NPHP4: variants seen among roughly 807,000 people sequenced by gnomAD.
NPHP4 encodes the protein nephrocystin 4, also known as nephrocystin-4.
Under a neutral mutation model 155.8 loss-of-function variants are expected in NPHP4, and 151 were observed. That is an observed-to-expected ratio of 0.97 (90% confidence interval 0.85 to 1.11). The LOEUF (loss-of-function observed/expected upper bound fraction) is 1.11, where lower values mean the gene tolerates loss of function less well. Among genes scored for constraint, NPHP4 ranks in the 50% least tolerant of loss-of-function variants. The probability of loss-of-function intolerance (pLI) is 0.00; values close to 1 mark genes in which losing one functional copy is unlikely to be tolerated. For missense variants in NPHP4, 1,956 were observed against 1,925.7 expected (o/e 1.02, Z -0.29); for synonymous variants, 845 against 816.8 (o/e 1.03, Z -0.59).
At chr1:5,958,790 C>G (rs1649730595) in intron 6 of NPHP4, among the ~76,000 whole-genome samples, 1 of 122,766 alleles carries the variant, frequency 8.1e-6, no homozygotes, top group Non-Finnish European at 1.6e-5. Context: ...GCATGGGAGG[C>G]AGAGTTTGCA....
chr1:5,978,227 C>G, intron 3 of NPHP4, 43 bp downstream of exon 3: 1 of 1,575,316 alleles, frequency 6.3e-7, no homozygotes, highest in East Asian at 2.3e-5. Flanking sequence ...GCACACACAC[C>G]CTCCGCCTTG....
In NPHP4 at chr1:5,992,302, A is replaced by C. The variant is rs549707234; in HGVS notation, c.-97T>G. 6.6e-6 allele frequency: 1 copy of C among 151,982 alleles called. No individual in the cohort carries two copies. The highest frequency in any genetic ancestry group is 1.5e-5 in the Non-Finnish European group (1 of 67,988). The allele number at this position is 151,982 out of a possible 1,614,324, so 9.4% of individuals were successfully genotyped here. On this transcript the variant is annotated 5_prime_UTR_variant, in exon 1 of 30. Coordinates refer to ENST00000378156, the MANE Select transcript of NPHP4 (RefSeq NM_015102.5). ...GCCACGGAGCCCACGCTTTTCAGAG[A>C]GTCTCCACTCGACGGACCCAGAGGC...
intron 11 of NPHP4, among the ~76,000 whole-genome samples, chr1:5,927,329 C>G (rs1646055875): frequency 6.6e-6 from 1 of 152,178 alleles, no homozygotes; most frequent in African/African-American, 2.4e-5. Flanking sequence ...CCTCGGCTCT[C>G]GACCACCCTC....
At chr1:5,869,125 A>ACC (rs36185040) in intron 23 of NPHP4, among the ~76,000 whole-genome samples, 18,663 of 142,356 alleles carry the variant, frequency 0.13, 1,465 homozygotes, top group Non-Finnish European at 0.18. Context: ...GCACACACGC[A>ACC]CAATGCACAC....
In NPHP4 at chr1:5,882,719, T is replaced by G. The variant is rs1643409942; in HGVS notation, c.2486-2480A>C. ...GCTATTTCGGTCCTCTCCCTGTTGC[T>G]CTCAGACCCTCCCTCCTGTCCTGCC... On this transcript the variant is annotated intron_variant, in intron 18 of 29. Transcript: ENST00000378156. This position sits in a 1 kb window ranked among gnomAD's most constrained non-coding sequence, Gnocchi z 5.1. 6.5e-6 allele frequency: 1 copy of G among 152,898 alleles called. No homozygotes were observed. The highest frequency in any genetic ancestry group is 2.4e-5 in the African/African-American group (1 of 41,446). 9.5% of individuals were successfully genotyped at this position (152,898 alleles called of 1,614,324 possible). A position where few individuals can be genotyped will look rare whatever the true frequency, so the allele number is the denominator to read the frequency against.
chr1:5,875,058 C>A lies in NPHP4; in HGVS notation c.2860G>T (p.Val954Phe), dbSNP rs1047149338. The change falls in exon 21 of 30, where the codon GTC becomes TTC. Residue 954 changes from valine (V) to phenylalanine (F), a missense_variant. Physicochemically the swap from Val to Phe is conservative, Grantham distance 50. Coordinates refer to ENST00000378156, the MANE Select transcript of NPHP4 (RefSeq NM_015102.5). ...GTGCGTTCCCGGTAGGCGGCGATGA[C>A]CTGTAGGTCCCGCAAGTGCTGTGTG... ...VRTQHLRDLQ[V>F]IAAYRERTKA... 23 of 1,607,508 alleles carry A rather than the reference C, an allele frequency of 1.4e-5. No individual in the cohort carries two copies. Among genetic ancestry groups the A allele is most frequent in the African/African-American group, 4.0e-5 (3 of 74,918 alleles).
At chr1:5,893,228 A>C (rs1644227429) in intron 16 of NPHP4, among the ~76,000 whole-genome samples, 1 of 152,234 alleles carries the variant, frequency 6.6e-6, no homozygotes, top group African/African-American at 2.4e-5. Context: ...GAGTGTAGAA[A>C]TAAAGACACA....
At position 5,873,350 on chromosome 1, in the gene NPHP4, C is replaced by T; in HGVS notation, c.3232-15G>A. Reference sequence around the variant, plus strand: ...CCAGGAGAGGCCTGCAGGAACCGAACAGCACAAGCAGGTCAGGAAGCAACA... The same window carrying T: ...CCAGGAGAGGCCTGCAGGAACCGAATAGCACAAGCAGGTCAGGAAGCAACA... On this transcript the variant is annotated splice_polypyrimidine_tract_variant and intron_variant, in intron 22 of 29. Coordinates refer to ENST00000378156, the MANE Select transcript of NPHP4 (RefSeq NM_015102.5). 6.2e-7 allele frequency: 1 copy of T among 1,609,286 alleles called. No homozygotes were observed. Among genetic ancestry groups the T allele is most frequent in the Non-Finnish European group, 8.5e-7 (1 of 1,175,664 alleles).
chr1:5,880,084 C>T (rs749596846), intron 19 of NPHP4, 30 bp downstream of exon 19: 33 of 1,612,184 alleles, frequency 2.0e-5, no homozygotes, highest in Non-Finnish European at 2.7e-5. Flanking sequence ...CACGACCCAC[C>T]CACACATGGG....
intron 6 of NPHP4, among the ~76,000 whole-genome samples, chr1:5,955,843 C>T (rs1031392798): frequency 2.0e-5 from 3 of 152,034 alleles, no homozygotes; most frequent in Non-Finnish European, 4.4e-5. Flanking sequence ...AGTAAGTTCC[C>T]GTAAAATACA....
intron 11 of NPHP4, among the ~76,000 whole-genome samples, chr1:5,917,051 C>T (rs1645509668): frequency 1.3e-5 from 2 of 152,196 alleles, no homozygotes; most frequent in South Asian, 4.1e-4. Context: ...ATCGGGAGAC[C>T]AGGAGCCCCA....
At chr1:5,878,607 G>A (rs146319979) in intron 19 of NPHP4, among the ~76,000 whole-genome samples, 22 of 152,320 alleles carry the variant, frequency 1.4e-4, no homozygotes, top group African/African-American at 5.1e-4. Flanking sequence ...TAATTGCAGA[G>A]CCTTGCCTCA....
At position 5,867,578 on chromosome 1, in the gene NPHP4, T is replaced by A; in HGVS notation, c.3472+162A>T. On this transcript the variant is annotated intron_variant, in intron 24 of 29. Coordinates refer to ENST00000378156, the MANE Select transcript of NPHP4 (RefSeq NM_015102.5). The surrounding 1 kb of genome is among the most constrained non-coding windows in gnomAD (Gnocchi z 4.1). ...CTCAGAGGTGGCAAGAGGGACACCG[T>A]TTCAAACCATAAAGGCAGGAGAGAG... The A allele has an allele frequency of 1.4e-6, 1 of 730,112 alleles. No homozygotes were observed. The allele number at this position is 730,112 out of a possible 1,614,324, so 45.2% of individuals were successfully genotyped here. A position where few individuals can be genotyped will look rare whatever the true frequency, so the allele number is the denominator to read the frequency against.
At chr1:5,986,463 G>T (rs1655507077) in intron 1 of NPHP4, 136 bp from the exon 2 acceptor site, 3 of 681,644 alleles carry the variant, frequency 4.4e-6, no homozygotes, top group Non-Finnish European at 7.1e-6. Context: ...AACCCCAGAA[G>T]AGTGGACTTT....
chr1:5,971,584 A>G (rs1652576752), intron 3 of NPHP4, among the ~76,000 whole-genome samples: 1 of 152,208 alleles, frequency 6.6e-6, no homozygotes, highest in Non-Finnish European at 1.5e-5. Flanking sequence ...CGAGCAACAG[A>G]GCCACATGGC....
chr1:5,895,391 T>G (rs1036092732), intron 16 of NPHP4, among the ~76,000 whole-genome samples: 7 of 151,958 alleles, frequency 4.6e-5, no homozygotes, highest in African/African-American at 1.7e-4. Context: ...TCCCAGCTAC[T>G]CAGGAGGCTG....
intron 6 of NPHP4, among the ~76,000 whole-genome samples, chr1:5,958,426 G>A (rs1454206442): frequency 1.3e-5 from 2 of 152,200 alleles, no homozygotes; most frequent in Non-Finnish European, 2.9e-5. Context: ...CAGGCGCCAT[G>A]GCTCACACCT....
chr1:5,875,584 G>A (rs544625844), intron 20 of NPHP4, among the ~76,000 whole-genome samples: 15 of 152,344 alleles, frequency 9.8e-5, no homozygotes, highest in South Asian at 2.1e-4. Flanking sequence ...CAAGCAGCAC[G>A]CTGCCTCAGC....
Position 5,967,431 on chromosome 1 carries a change from G to T in NPHP4, c.453-68C>A, listed in dbSNP as rs1370685464. Reference sequence around the variant, plus strand: ...ACTTCTCAGAAGGAAAGCACATGGAGGCCTCAGCCACCACCACGCCCACTA... The same window carrying T: ...ACTTCTCAGAAGGAAAGCACATGGATGCCTCAGCCACCACCACGCCCACTA... On this transcript the variant is annotated intron_variant, in intron 4 of 29. Transcript: ENST00000378156. 2.4e-6 allele frequency: 3 copies of T among 1,246,818 alleles called. No individual in the cohort carries two copies. In the African/African-American group the frequency reaches 4.5e-5, roughly 19 times the overall value. 77.2% of individuals were successfully genotyped at this position (1,246,818 alleles called of 1,614,324 possible).
Sources: gnomAD v4.1 joint callset for allele counts (sites outside exome capture counted in the v4.1 genomes callset) on GRCh38, gnomAD v4.1.1 for gene constraint, Gnocchi (gnomAD v3.1) non-coding constraint, MANE v1.5 for transcripts, NCBI Gene and HGNC (gene_info 2026-07-23, HGNC 2026-07-21) for gene names.